The following EXOC6B variants were observed in gnomAD, a reference collection of about 807,000 sequenced individuals.
The protein encoded by EXOC6B is exocyst complex component 6B, also known as SEC15 homolog B.
Under a neutral mutation model 113.5 loss-of-function variants are expected in EXOC6B, and 54 were observed. That is an observed-to-expected ratio of 0.48 (90% CI 0.38 to 0.60). EXOC6B has a LOEUF of 0.60. EXOC6B is among the 20% of genes least tolerant of loss of function. EXOC6B has a pLI of 0.00. For synonymous variants in EXOC6B, 357 were observed against 339.0 expected (o/e 1.05, Z -0.58); for missense variants, 797 against 977.5 (o/e 0.82, Z 2.46).
chr2:72,592,289 A>G (rs1172551599), intron 6 of EXOC6B, among the ~76,000 whole-genome samples: 1 of 152,194 alleles, frequency 6.6e-6, no homozygotes, highest in African/African-American at 2.4e-5. Context: ...GGGGTGACAG[A>G]GTGACTAAGT....
chr2:72,515,450 T>C (rs1049525932), intron 8 of EXOC6B: 2 of 1,098,796 alleles, frequency 1.8e-6, no homozygotes, highest in Non-Finnish European at 2.2e-6. Flanking sequence ...CCATAAGTTA[T>C]GATAACAGGT....
intron 1 of EXOC6B, among the ~76,000 whole-genome samples, chr2:72,808,906 T>C (rs1431449132): frequency 6.6e-6 from 1 of 151,990 alleles, no homozygotes; most frequent in Admixed American, 6.6e-5. Context: ...CCTGCCTCTA[T>C]AAAAGATAAA....
At chr2:72,285,597 T>C (rs1436677331) in intron 20 of EXOC6B, among the ~76,000 whole-genome samples, 1 of 152,066 alleles carries the variant, frequency 6.6e-6, no homozygotes, top group Non-Finnish European at 1.5e-5. Context: ...TTTTTAGATA[T>C]GACTCCAAAG....
intron 6 of EXOC6B, among the ~76,000 whole-genome samples, chr2:72,593,934 T>G (rs1706143888): frequency 6.6e-6 from 1 of 152,172 alleles, no homozygotes; most frequent in Non-Finnish European, 1.5e-5. Context: ...ACACAGGGAC[T>G]GTTCGTTCCC....
intron 19 of EXOC6B, among the ~76,000 whole-genome samples, chr2:72,356,968 T>C (rs529684136): frequency 7.2e-5 from 11 of 152,244 alleles, no homozygotes; most frequent in African/African-American, 1.7e-4. Context: ...AGGTAGCATA[T>C]AGACCATGAA....
Position 72,825,309 on chromosome 2 carries a change from C to T in EXOC6B, c.113+489G>A, listed in dbSNP as rs1413539698. On this transcript the variant is annotated intron_variant, in intron 1 of 21. Transcript: ENST00000272427. The surrounding 1 kb of genome is among the most constrained non-coding windows in gnomAD (Gnocchi z 4.4). The stretch of plus-strand genomic sequence containing the variant: ...CGGGTTGGGGAAACTTCCATCCAGG[C>T]CTAGGATTTCCAGGGACTCGTTTCT... Among the ~76,000 whole-genome samples, 2 of 152,114 alleles carry T rather than the reference C, an allele frequency of 1.3e-5. No individual in the cohort carries two copies. Among genetic ancestry groups the T allele is most frequent in the Non-Finnish European group, 2.9e-5 (2 of 68,020 alleles).
intron 20 of EXOC6B, among the ~76,000 whole-genome samples, chr2:72,194,265 G>C (rs1679022337): frequency 6.6e-6 from 1 of 152,106 alleles, no homozygotes; most frequent in African/African-American, 2.4e-5. Flanking sequence ...TATCCTGCTT[G>C]GTGAGACCCC....
chr2:72,302,712 T>C (rs2104759919), intron 20 of EXOC6B, among the ~76,000 whole-genome samples: 1 of 152,286 alleles, frequency 6.6e-6, no homozygotes, highest in East Asian at 1.9e-4. Context: ...TTTGAGCCTA[T>C]GGGTGTCACT....
intron 19 of EXOC6B, among the ~76,000 whole-genome samples, chr2:72,339,073 T>G (rs1158102579): frequency 6.6e-6 from 1 of 152,066 alleles, no homozygotes; most frequent in African/African-American, 2.4e-5. Flanking sequence ...CAACTAGGAT[T>G]GGTCTGTAAA....
intron 20 of EXOC6B, among the ~76,000 whole-genome samples, chr2:72,260,341 G>A (rs750043410): frequency 2.6e-5 from 4 of 152,236 alleles, no homozygotes; most frequent in South Asian, 2.1e-4. Flanking sequence ...AAGAAAATAC[G>A]TAACCTACTT....
chr2:72,415,322 T>A (rs1248001464), intron 18 of EXOC6B, among the ~76,000 whole-genome samples: 1 of 147,374 alleles, frequency 6.8e-6, no homozygotes, highest in Non-Finnish European at 1.5e-5. Context: ...AAGCAAAAGA[T>A]GCTGAGCCTG....
chr2:72,250,211 T>C (rs1238364541), intron 20 of EXOC6B, among the ~76,000 whole-genome samples: 5 of 152,220 alleles, frequency 3.3e-5, no homozygotes, highest in Non-Finnish European at 5.9e-5. Flanking sequence ...TCCAAATTCT[T>C]GTATAAGCAC....
chr2:72,401,567 A>G lies in EXOC6B; in HGVS notation c.1981-21697T>C, dbSNP rs1385397347. ...TATGTGTATATATATATATATATAC[A>G]TATATATATATATACATATATATAT... On this transcript the variant is annotated intron_variant, in intron 18 of 21. Transcript: ENST00000272427. 1.3e-3 allele frequency among the ~76,000 whole-genome samples: 25 copies of G among 18,576 alleles called. 1 individual carries two copies. The highest frequency in any genetic ancestry group is 2.3e-3 in the African/African-American group (6 of 2,656). The allele number at this position is 18,576 out of a possible 152,430, so 12.2% of individuals were successfully genotyped here.
intron 6 of EXOC6B, among the ~76,000 whole-genome samples, chr2:72,637,417 C>A (rs995051254): frequency 6.6e-6 from 1 of 151,408 alleles, no homozygotes; most frequent in African/African-American, 2.4e-5. Flanking sequence ...TTATGAGGAA[C>A]TTAAACAAAT....
chr2:72,268,265 C>T (rs1008140384), intron 20 of EXOC6B, among the ~76,000 whole-genome samples: 5 of 152,030 alleles, frequency 3.3e-5, no homozygotes, highest in African/African-American at 1.2e-4. Flanking sequence ...CCTGCACCAC[C>T]ACACCCAGCT....
intron 18 of EXOC6B, among the ~76,000 whole-genome samples, chr2:72,443,194 G>A (rs912102283): frequency 5.9e-5 from 9 of 151,752 alleles, no homozygotes; most frequent in South Asian, 2.1e-4. Context: ...GCGTGGTGGC[G>A]CACCTGTAGT....
chr2:72,513,245 C>CA lies in EXOC6B; in HGVS notation c.1053dup (p.Val352CysfsTer3). ...GTATGTAAAATGTGATCTTCAACCA[C>CA]AAAAAAGCTAAGATTGAGGAAAAAA... On this transcript the variant is annotated frameshift_variant, in exon 11 of 22. Coordinates refer to ENST00000272427, the MANE Select transcript of EXOC6B (RefSeq NM_015189.3). LOFTEE classifies it high-confidence loss of function. 5 of 1,611,306 alleles carry CA rather than the reference C, an allele frequency of 3.1e-6. No individual in the cohort carries two copies. The highest frequency in any genetic ancestry group is 2.2e-5 in the East Asian group (1 of 44,824).
chr2:72,344,382 A>C (rs1689197450), intron 19 of EXOC6B, among the ~76,000 whole-genome samples: 1 of 151,408 alleles, frequency 6.6e-6, no homozygotes, highest in Non-Finnish European at 1.5e-5. Flanking sequence ...TCTTTATGAG[A>C]GTTGTTTTAA....
At chr2:72,759,024 G>A (rs1573749709) in intron 1 of EXOC6B, among the ~76,000 whole-genome samples, 1 of 152,142 alleles carries the variant, frequency 6.6e-6, no homozygotes, top group Non-Finnish European at 1.5e-5. Context: ...AACAACAAAG[G>A]CAGTATAGCA....
Sources: allele counts gnomAD v4.1 joint callset (sites outside exome capture counted in the v4.1 genomes callset), GRCh38; gene constraint gnomAD v4.1.1; non-coding constraint Gnocchi (gnomAD v3.1); transcripts MANE v1.5; gene names NCBI Gene and HGNC (gene_info 2026-07-23, HGNC 2026-07-21).